KCNH8: variants seen among roughly 807,000 people sequenced by gnomAD.
KCNH8 encodes voltage-gated delayed rectifier potassium channel KCNH8.
In KCNH8, 70 loss-of-function variants were observed where a neutral mutation model predicts 103.6. The ratio of observed to expected loss-of-function variants is 0.68; its 90% CI spans 0.56 to 0.82. KCNH8 has a LOEUF of 0.82. Ranked by LOEUF, KCNH8 falls within the 40% of genes least tolerant of loss-of-function variation. KCNH8 has a pLI of 0.00. For synonymous variants in KCNH8, 498 were observed against 489.4 expected, an observed-to-expected ratio of 1.02 and a Z score of -0.23; for missense variants, 1,217 against 1,329.9, an observed-to-expected ratio of 0.92 and a Z score of 1.32.
intron 3 of KCNH8, among the ~76,000 whole-genome samples, chr3:19,295,105 T>C (rs1021529731): frequency 6.6e-6 from 1 of 152,122 alleles, no homozygotes; most frequent in East Asian, 1.9e-4. Context: ...ATTAAGAAGA[T>C]TAAGGCCAGG....
chr3:19,278,759 T>A (rs563721388), intron 2 of KCNH8, among the ~76,000 whole-genome samples: 2 of 152,284 alleles, frequency 1.3e-5, no homozygotes, highest in African/African-American at 4.8e-5. Flanking sequence ...AGTGATCACA[T>A]CACTGTAACT....
intron 15 of KCNH8, among the ~76,000 whole-genome samples, chr3:19,522,117 C>T (rs1270814950): frequency 2.0e-5 from 3 of 151,762 alleles, no homozygotes; most frequent in Non-Finnish European, 2.9e-5. Context: ...TGATTTTAAT[C>T]CATCTTGAAT....
At chr3:19,387,582 C>T (rs1182426442) in intron 5 of KCNH8, among the ~76,000 whole-genome samples, 1 of 152,066 alleles carries the variant, frequency 6.6e-6, no homozygotes, top group Non-Finnish European at 1.5e-5. Context: ...AAATCAGTTA[C>T]TGAATAAATA....
chr3:19,323,960 C>G (rs553574139), intron 3 of KCNH8, among the ~76,000 whole-genome samples: 25 of 152,158 alleles, frequency 1.6e-4, no homozygotes, highest in Non-Finnish European at 3.5e-4. Context: ...TTGTTAAGTG[C>G]ACTGGTTTTA....
Position 19,451,313 on chromosome 3 carries a change from G to A in KCNH8, c.1734G>A (p.Leu578=). Residue 578 remains leucine, a synonymous_variant, in exon 10 of 16, where the codon CTG becomes CTA. Coordinates refer to ENST00000328405, the MANE Select transcript of KCNH8 (RefSeq NM_144633.3). ...CTTTCTGTGCTCCGGGGGAGTATCTGCTGCGTCAAGGGGATGCTTTGCAGG... is the reference window on the plus strand; with the variant it reads ...CTTTCTGTGCTCCGGGGGAGTATCTACTGCGTCAAGGGGATGCTTTGCAGG... ...KTSFCAPGEY[L]LRQGDALQAI... The A allele has an allele frequency of 6.2e-7, 1 of 1,613,916 alleles. No homozygotes were observed. The highest frequency in any genetic ancestry group is 1.1e-5 in the South Asian group (1 of 91,080).
chr3:19,268,260 C>A (rs78837492), intron 2 of KCNH8, among the ~76,000 whole-genome samples: 7,819 of 152,054 alleles, frequency 0.051, 666 homozygotes, highest in African/African-American at 0.18. Context: ...ACAGGGGGAT[C>A]TGACCAAATA....
intron 11 of KCNH8, among the ~76,000 whole-genome samples, chr3:19,496,950 G>C: frequency 6.6e-6 from 1 of 151,958 alleles, no homozygotes; most frequent in Admixed American, 6.6e-5. Context: ...AATTTATCAG[G>C]TTCTTCTAGA....
chr3:19,375,652 A>G (rs2066183107), intron 5 of KCNH8, among the ~76,000 whole-genome samples: 1 of 151,758 alleles, frequency 6.6e-6, no homozygotes, highest in South Asian at 2.1e-4. Context: ...CTGGTGAGGA[A>G]CTCCGTTCCT....
intron 11 of KCNH8, among the ~76,000 whole-genome samples, chr3:19,464,009 G>A (rs1275359012): frequency 6.6e-6 from 1 of 152,086 alleles, no homozygotes; most frequent in Non-Finnish European, 1.5e-5. Flanking sequence ...TCAAATCAGT[G>A]TACAATTTCC....
intron 1 of KCNH8, among the ~76,000 whole-genome samples, chr3:19,192,069 A>T (rs548243563): frequency 7.3e-5 from 11 of 151,630 alleles, no homozygotes; most frequent in African/African-American, 2.7e-4. Context: ...TAGCTTCAGT[A>T]TAATTCCACA....
intron 1 of KCNH8, among the ~76,000 whole-genome samples, chr3:19,201,862 G>A (rs191780089): frequency 2.6e-5 from 4 of 152,190 alleles, no homozygotes. Flanking sequence ...TATTACTCGG[G>A]AGATAAGTTG....
intron 15 of KCNH8, among the ~76,000 whole-genome samples, chr3:19,523,059 A>T (rs1171435929): frequency 6.6e-6 from 1 of 151,834 alleles, no homozygotes; most frequent in African/African-American, 2.4e-5. Context: ...GTTGTTTCCT[A>T]TAACACATTA....
At chr3:19,307,449 A>G (rs2065145204) in intron 3 of KCNH8, among the ~76,000 whole-genome samples, 1 of 152,012 alleles carries the variant, frequency 6.6e-6, no homozygotes, top group Non-Finnish European at 1.5e-5. Context: ...GGGGAATGTA[A>G]ACTAGTACAG....
At chr3:19,266,164 C>G (rs559142522) in intron 2 of KCNH8, among the ~76,000 whole-genome samples, 1 of 152,208 alleles carries the variant, frequency 6.6e-6, no homozygotes, top group South Asian at 2.1e-4. Context: ...AATAAAAACT[C>G]TTCACTCTGG....
intron 3 of KCNH8, among the ~76,000 whole-genome samples, chr3:19,293,382 A>G (rs562435456): frequency 2.0e-5 from 3 of 152,282 alleles, no homozygotes; most frequent in Admixed American, 1.3e-4. Flanking sequence ...CTCCTATCAC[A>G]ATTATTTTTA....
At chr3:19,264,954 C>A (rs751165008) in intron 2 of KCNH8, among the ~76,000 whole-genome samples, 6 of 152,100 alleles carry the variant, frequency 3.9e-5, no homozygotes, top group Non-Finnish European at 7.4e-5. Flanking sequence ...ATGCACCTGG[C>A]AAACCTAAGC....
rs576819052 is a variant in KCNH8, at chr3:19,332,647, T to C, written c.443-9940T>C. ...GTTTTTCTTTTTATTTTTTTTCTTT[T>C]GTTTTGAGACAGAGTCTCCCTCTGT... On this transcript the variant is annotated intron_variant, in intron 3 of 15. Transcript: ENST00000328405. Among the ~76,000 whole-genome samples the C allele has an allele frequency of 2.6e-5, 4 of 152,280 alleles. No individual in the cohort carries two copies. In the East Asian group the frequency reaches 7.7e-4, roughly 29 times the overall value.
At position 19,533,815 on chromosome 3, in the gene KCNH8, C is replaced by T. The variant is rs2069215189; in HGVS notation, c.3040C>T (p.Pro1014Ser). 6.2e-7 allele frequency: 1 copy of T among 1,614,062 alleles called. No individual in the cohort carries two copies. Among genetic ancestry groups the T allele is most frequent in the Admixed American group, 1.7e-5 (1 of 60,004 alleles). ...TTTGCAATTTTTAAGGTGCATCTCT[C>T]CACATTCAGATTCTACGTTGACGCC... ...GHLQFLRCIS[P>S]HSDSTLTPLQ... The change falls in exon 16 of 16, where the codon CCA (proline) becomes TCA (serine). Residue 1014 changes from proline (P) to serine (S), a missense_variant. Transcript: ENST00000328405.
At chr3:19,173,409 C>CA (rs1291240296) in intron 1 of KCNH8, among the ~76,000 whole-genome samples, 2 of 151,938 alleles carry the variant, frequency 1.3e-5, no homozygotes, top group Non-Finnish European at 2.9e-5. Context: ...CTGCTATGTG[C>CA]CATACAATGT....
Sources: gnomAD v4.1 joint callset for allele counts (sites outside exome capture counted in the v4.1 genomes callset) on GRCh38, gnomAD v4.1.1 for gene constraint, MANE v1.5 for transcripts, NCBI Gene and HGNC (gene_info 2026-07-23, HGNC 2026-07-21) for gene names.